Variants in VAV2 observed in about 807,000 individuals in gnomAD.
VAV2 encodes guanine nucleotide exchange factor VAV2.
In VAV2, 67 loss-of-function variants were observed where a neutral mutation model predicts 132.5. That is an observed-to-expected ratio of 0.51 (90% CI 0.42 to 0.62). The LOEUF (loss-of-function observed/expected upper bound fraction) is 0.62. Among genes scored for constraint, VAV2 ranks in the 20% least tolerant of loss-of-function variants. The pLI is 0.00. For synonymous variants in VAV2, 492 were observed against 443.5 expected (o/e 1.11, Z -1.37); for missense variants, 938 against 1,153.6 (o/e 0.81, Z 2.71).
intron 26 of VAV2, among the ~76,000 whole-genome samples, chr9:133,771,062 C>CTTTTTTT (rs148597917): frequency 8.5e-6 from 1 of 117,702 alleles, no homozygotes; most frequent in Non-Finnish European, 1.7e-5. Flanking sequence ...TATGGATTTT[C>CTTTTTTT]TTTTTTTTTT....
chr9:133,797,602 A>T, intron 10 of VAV2, 108 bp downstream of exon 10: 1 of 978,440 alleles, frequency 1.0e-6, no homozygotes, highest in Non-Finnish European at 1.5e-6. Context: ...CACCCCCATC[A>T]CCACCTTCCC....
At chr9:133,924,873 T>C (rs1466233278) in intron 2 of VAV2, among the ~76,000 whole-genome samples, 1 of 152,156 alleles carries the variant, frequency 6.6e-6, no homozygotes, top group Non-Finnish European at 1.5e-5. Context: ...AACAGTAAAA[T>C]ATGATTCAGT....
chr9:133,928,874 T>C lies in VAV2; in HGVS notation c.321+10229A>G, dbSNP rs1054416043. 3.9e-5 allele frequency among the ~76,000 whole-genome samples: 6 copies of C among 152,160 alleles called. No individual in the cohort carries two copies. Among genetic ancestry groups the C allele is most frequent in the Admixed American group, 3.9e-4 (6 of 15,270 alleles). The stretch of plus-strand genomic sequence containing the variant: ...GCAGGATACACTGGCCGGGTGAGGC[T>C]GGCACTCCAGGCCACTGGAATGGCC... On this transcript the variant is annotated intron_variant, in intron 2 of 29. Transcript: ENST00000371850. This position sits in a 1 kb window ranked among gnomAD's most constrained non-coding sequence, Gnocchi z 5.4.
At chr9:133,913,572 C>T (rs896330814) in intron 2 of VAV2, among the ~76,000 whole-genome samples, 1 of 152,244 alleles carries the variant, frequency 6.6e-6, no homozygotes, top group Non-Finnish European at 1.5e-5. Context: ...GCAGAGCCTG[C>T]GCACATGGTC....
In VAV2 at chr9:133,973,336, G is replaced by A. The variant is rs182224409; in HGVS notation, c.204+18739C>T. Among the ~76,000 whole-genome samples, 12 of 152,260 alleles carry A rather than the reference G, an allele frequency of 7.9e-5. No individual in the cohort carries two copies. The East Asian group carries it at 1.4e-3, about 17-fold the overall frequency. ...ACCGCGAAACTCGGAGTTCAGAAAC[G>A]TGCCAAAGTCCCACAACCAGGAAAG... On this transcript the variant is annotated intron_variant, in intron 1 of 29. Coordinates refer to ENST00000371850, the MANE Select transcript of VAV2 (RefSeq NM_001134398.2).
In VAV2 at chr9:133,788,745, C is replaced by T. The variant is rs1834336340; in HGVS notation, c.1275-259G>A. The stretch of plus-strand genomic sequence containing the variant: ...GGAGCCCTTCAAGGGGCTCCTGCAT[C>T]CCCCACGCTGGCCTCCCATGCAGCA... On this transcript the variant is annotated intron_variant, in intron 14 of 29. Transcript: ENST00000371850. The surrounding 1 kb of genome is among the most constrained non-coding windows in gnomAD (Gnocchi z 5.3). 6.6e-6 allele frequency among the ~76,000 whole-genome samples: 1 copy of T among 152,116 alleles called. No homozygotes were observed. The highest frequency in any genetic ancestry group is 2.4e-5 in the African/African-American group (1 of 41,434).
chr9:133,861,343 C>T lies in VAV2; in HGVS notation c.380+31G>A, dbSNP rs757630577. 10 of 1,596,170 alleles carry T rather than the reference C, an allele frequency of 6.3e-6. No individual in the cohort carries two copies. The African/African-American group carries it at 8.1e-5, about 13-fold the overall frequency. ...TGGTGTCGATGGAGATGAAAGGACC[C>T]GGCCTTGGCAGCGCACTCCGGAGAG... On this transcript the variant is annotated intron_variant, in intron 3 of 29. Transcript: ENST00000371850.
At chr9:133,899,158 T>C (rs965011032) in intron 2 of VAV2, among the ~76,000 whole-genome samples, 2 of 151,486 alleles carry the variant, frequency 1.3e-5, no homozygotes, top group Admixed American at 6.6e-5. Context: ...CACAGAGAGT[T>C]TGTGGGTATC....
chr9:133,990,742 G>T (rs1250850747), intron 1 of VAV2, among the ~76,000 whole-genome samples: 1 of 152,220 alleles, frequency 6.6e-6, no homozygotes, highest in East Asian at 1.9e-4. Flanking sequence ...TCTGAGAACA[G>T]ATCCGGGGAA....
At position 133,770,615 on chromosome 9, in the gene VAV2, G is replaced by A. The variant is rs1009664756; in HGVS notation, c.2224-114C>T. On this transcript the variant is annotated intron_variant, in intron 26 of 29. Coordinates refer to ENST00000371850, the MANE Select transcript of VAV2 (RefSeq NM_001134398.2). Reference sequence around the variant, plus strand: ...TCATGTGGGGGAGACTAGCTTCCTGGACTCCTCAGAACTCCCCACATCCCG... The same window carrying A: ...TCATGTGGGGGAGACTAGCTTCCTGAACTCCTCAGAACTCCCCACATCCCG... The A allele has an allele frequency of 2.7e-6, 4 of 1,488,714 alleles. No homozygotes were observed. The African/African-American group carries it at 5.5e-5, about 21-fold the overall frequency. The allele number at this position is 1,488,714 out of a possible 1,614,324, so 92.2% of individuals were successfully genotyped here.
intron 1 of VAV2, among the ~76,000 whole-genome samples, chr9:133,947,428 G>A (rs886604678): frequency 6.6e-6 from 1 of 152,144 alleles, no homozygotes; most frequent in African/African-American, 2.4e-5. Flanking sequence ...CGTTGGGCGC[G>A]GTGGCTGACG....
rs528463572 is a variant in VAV2 at position 133,919,431 on chromosome 9, C to T, written c.321+19672G>A. 1.3e-5 allele frequency among the ~76,000 whole-genome samples: 2 copies of T among 152,308 alleles called. No homozygotes were observed. Among genetic ancestry groups the T allele is most frequent in the South Asian group, 4.1e-4 (2 of 4,830 alleles). Reference sequence around the variant, plus strand: ...TGCTTCACTGGGTGGGGCCTCCTCACTGGACAGCCCTGGGTGAGGGGTTCC... The same window carrying T: ...TGCTTCACTGGGTGGGGCCTCCTCATTGGACAGCCCTGGGTGAGGGGTTCC... On this transcript the variant is annotated intron_variant, in intron 2 of 29. Coordinates refer to ENST00000371850, the MANE Select transcript of VAV2 (RefSeq NM_001134398.2). The surrounding 1 kb of genome is among the most constrained non-coding windows in gnomAD (Gnocchi z 5.8).
At chr9:133,903,080 A>G (rs1260193005) in intron 2 of VAV2, among the ~76,000 whole-genome samples, 1 of 145,608 alleles carries the variant, frequency 6.9e-6, no homozygotes, top group African/African-American at 2.5e-5. Flanking sequence ...TGCCCCAGGA[A>G]AAAAAAAAAA....
At chr9:133,936,461 T>G (rs1840913198) in intron 2 of VAV2, among the ~76,000 whole-genome samples, 1 of 152,142 alleles carries the variant, frequency 6.6e-6, no homozygotes, top group African/African-American at 2.4e-5. Flanking sequence ...CAGACTGGTT[T>G]CGAACTCCTA....
chr9:133,877,714 C>G (rs1838317022), intron 2 of VAV2, among the ~76,000 whole-genome samples: 1 of 152,182 alleles, frequency 6.6e-6, no homozygotes, highest in Non-Finnish European at 1.5e-5. Context: ...CTAATGGGGA[C>G]AGGTGACAGT....
intron 4 of VAV2, among the ~76,000 whole-genome samples, chr9:133,821,293 G>C (rs1178747656): frequency 6.6e-6 from 1 of 152,256 alleles, no homozygotes; most frequent in East Asian, 1.9e-4. Flanking sequence ...CTTCGGAACA[G>C]GCGGGCCGCA....
Position 133,802,343 on chromosome 9 carries a change from C to T in VAV2, c.836+3738G>A, listed in dbSNP as rs1376135151. Among the ~76,000 whole-genome samples, 1 of 151,882 alleles carries T rather than the reference C, an allele frequency of 6.6e-6. No individual in the cohort carries two copies. On this transcript the variant is annotated intron_variant, in intron 9 of 29. Transcript: ENST00000371850. The surrounding 1 kb of genome is among the most constrained non-coding windows in gnomAD (Gnocchi z 5.8). ...GCGTGTACACACACACACACACACA[C>T]ACACACACACACGACTTCATGCATT...
At chr9:133,904,888 C>T (rs561892332) in intron 2 of VAV2, among the ~76,000 whole-genome samples, 5 of 152,346 alleles carry the variant, frequency 3.3e-5, no homozygotes, top group African/African-American at 1.2e-4. Flanking sequence ...TTTTGGCCCT[C>T]GTCCACCATA....
chr9:133,771,966 C>A lies in VAV2; in HGVS notation c.2216G>T (p.Ser739Ile), dbSNP rs1186280431. Residue 739 changes from serine to isoleucine, a missense_variant, in exon 26 of 30, where the codon AGC becomes ATC. By Grantham distance (142) the Ser-to-Ile change is moderately radical. Transcript: ENST00000371850. ...IHITEAKKFDSLLELVEYYQC... is the reference protein window; with the variant it reads ...IHITEAKKFDILLELVEYYQC... ...GAGCCAGAAGTCACCTACCAGGAGG[C>A]TGTCGAATTTCTTGGCCTCTGTGAT... 1 of 1,588,216 alleles carries A rather than the reference C, an allele frequency of 6.3e-7. No individual in the cohort carries two copies. Among genetic ancestry groups the A allele is most frequent in the East Asian group, 2.2e-5 (1 of 44,784 alleles).
Sources: allele counts gnomAD v4.1 joint callset (sites outside exome capture counted in the v4.1 genomes callset), GRCh38; gene constraint gnomAD v4.1.1; non-coding constraint Gnocchi (gnomAD v3.1); transcripts MANE v1.5; gene names NCBI Gene and HGNC (gene_info 2026-07-23, HGNC 2026-07-21).